The following GFRA2 variants were observed in gnomAD, a reference collection of about 807,000 sequenced individuals.
GFRA2 encodes the protein GDNF family receptor alpha 2.
A neutral mutation model predicts 48.3 loss-of-function variants in GFRA2; 17 were observed. The observed-to-expected ratio is 0.35, with a 90% confidence interval of 0.24 to 0.53. GFRA2 has a LOEUF of 0.53. Ranked by LOEUF, GFRA2 falls within the 20% of genes least tolerant of loss-of-function variation. GFRA2 has a pLI of 0.93. For synonymous variants in GFRA2, 305 were observed against 257.2 expected (o/e 1.19, Z -1.78); for missense variants, 660 against 637.3 (o/e 1.04, Z -0.38).
intron 4 of GFRA2, among the ~76,000 whole-genome samples, chr8:21,732,208 G>C (rs1033592926): frequency 2.0e-5 from 3 of 152,214 alleles, no homozygotes; most frequent in Admixed American, 6.5e-5. Context: ...TTTTCCCTTC[G>C]CCTTCTTGTG....
At chr8:21,710,917 A>C (rs1389575413) in intron 4 of GFRA2, among the ~76,000 whole-genome samples, 1 of 152,224 alleles carries the variant, frequency 6.6e-6, no homozygotes, top group African/African-American at 2.4e-5. Context: ...CCAAGGCTCC[A>C]GGAGGCCTTT....
chr8:21,802,593 G>A lies in GFRA2; in HGVS notation c.-36+2424C>T, dbSNP rs1314193345. ...TGGTCTAGAACTCCTGGGCTCAAGC[G>A]ATCCTCCCACTTTGGCTTCCCAAAG... On this transcript the variant is annotated intron_variant, in intron 2 of 10. Coordinates refer to the GFRA2 transcript ENST00000517328. Among the ~76,000 whole-genome samples, 11 of 152,200 alleles carry A rather than the reference G, an allele frequency of 7.2e-5. 1 individual carries two copies. Among genetic ancestry groups the A allele is most frequent in the Admixed American group, 3.3e-4 (5 of 15,290 alleles).
intron 3 of GFRA2, among the ~76,000 whole-genome samples, chr8:21,767,969 AG>A (rs1806260807): frequency 2.0e-5 from 3 of 152,208 alleles, no homozygotes; most frequent in Non-Finnish European, 4.4e-5. Context: ...AGAGAGAGAG[AG>A]AGAGAGCAGA....
chr8:21,758,022 G>A (rs1014524839), intron 3 of GFRA2, among the ~76,000 whole-genome samples: 36 of 152,244 alleles, frequency 2.4e-4, no homozygotes, highest in East Asian at 7.7e-4. Flanking sequence ...GGAAGTCACC[G>A]GTTTAGAGAA....
chr8:21,695,023 T>C (rs1802086986), intron 7 of GFRA2, among the ~76,000 whole-genome samples: 1 of 152,194 alleles, frequency 6.6e-6, no homozygotes, highest in Non-Finnish European at 1.5e-5. Context: ...TGAGCATTCA[T>C]CTGGGCTTGA....
chr8:21,757,005 C>G (rs1482351137), intron 3 of GFRA2, among the ~76,000 whole-genome samples: 1 of 152,202 alleles, frequency 6.6e-6, no homozygotes, highest in African/African-American at 2.4e-5. Flanking sequence ...CGGGATTTAA[C>G]ACTTGGCCTT....
Position 21,740,321 on chromosome 8 carries a change from T to G in GFRA2, c.794+10267A>C, listed in dbSNP as rs375534323. On this transcript the variant is annotated intron_variant, in intron 4 of 8. Coordinates refer to ENST00000524240, the MANE Select transcript of GFRA2 (RefSeq NM_001495.5). ...CCACCCAAAGGGCAAACATCTTCCCTTTCCACTAATGTCTTTCCCAGAAAG... is the reference window on the plus strand; with the variant it reads ...CCACCCAAAGGGCAAACATCTTCCCGTTCCACTAATGTCTTTCCCAGAAAG... Among the ~76,000 whole-genome samples, 22 of 152,318 alleles carry G rather than the reference T, an allele frequency of 1.4e-4. 1 individual carries two copies. Among genetic ancestry groups the G allele is most frequent in the South Asian group, 1.0e-3 (5 of 4,818 alleles).
At chr8:21,800,813 C>A (rs1807756964) in intron 2 of GFRA2, among the ~76,000 whole-genome samples, 1 of 151,824 alleles carries the variant, frequency 6.6e-6, no homozygotes. Context: ...GTAGTCTCAG[C>A]TACTTGGGAG....
intron 4 of GFRA2, among the ~76,000 whole-genome samples, chr8:21,723,392 T>A (rs1295808978): frequency 1.3e-5 from 2 of 151,814 alleles, no homozygotes; most frequent in African/African-American, 4.8e-5. Flanking sequence ...TGAGTCTAAA[T>A]CCAGACACAA....
chr8:21,711,528 CAG>C (rs960970761), intron 4 of GFRA2, among the ~76,000 whole-genome samples: 27 of 150,214 alleles, frequency 1.8e-4, no homozygotes, highest in Non-Finnish European at 1.3e-4. Context: ...CAGCAGGAGA[CAG>C]AGAGAGAGAG....
chr8:21,784,550 G>A (rs973366658), intron 1 of GFRA2, among the ~76,000 whole-genome samples: 3 of 152,244 alleles, frequency 2.0e-5, no homozygotes, highest in African/African-American at 7.2e-5. Context: ...GCTGCACAGC[G>A]GGCCTTCGCT....
In GFRA2 at chr8:21,751,570, A is replaced by G. The variant is rs1033496778; in HGVS notation, c.440-628T>C. Among the ~76,000 whole-genome samples, 4 of 152,358 alleles carry G rather than the reference A, an allele frequency of 2.6e-5. No homozygotes were observed. The East Asian group carries it at 7.7e-4, about 29-fold the overall frequency. ...CCGAGTCACACCCAGTAGTGCAGTT[A>G]TGCCAGCGAGAACCGTTGGTCTAAG... On this transcript the variant is annotated intron_variant, in intron 3 of 8. Transcript: ENST00000524240.
intron 4 of GFRA2, among the ~76,000 whole-genome samples, chr8:21,732,349 G>A (rs1448880231): frequency 6.6e-6 from 1 of 152,238 alleles, no homozygotes; most frequent in East Asian, 1.9e-4. Context: ...CCTGCCGAGT[G>A]GAGCAGCCAG....
Position 21,782,640 on chromosome 8 carries a change from C to T in GFRA2, c.300G>A (p.Lys100=). ...AGATCTGCAGACACTGCAGCTCCTT[C>T]TTCATGCCCCGCTTGCAGCGGCAGT... ...LYDCRCKRGM[K]KELQCLQIYW... is the part of the protein sequence containing the mutation. Residue 100 remains lysine (K), a synonymous_variant, in exon 2 of 9, where the codon AAG becomes AAA. Coordinates refer to ENST00000524240, the MANE Select transcript of GFRA2 (RefSeq NM_001495.5). The T allele has an allele frequency of 6.3e-7, 1 of 1,586,002 alleles. No individual in the cohort carries two copies. The highest frequency in any genetic ancestry group is 8.6e-7 in the Non-Finnish European group (1 of 1,166,708).
In GFRA2 at chr8:21,693,326, C is replaced by G. The variant is rs74640671; in HGVS notation, c.1347G>C (p.Ser449=). 6.2e-7 allele frequency: 1 copy of G among 1,613,578 alleles called. No homozygotes were observed. Among genetic ancestry groups the G allele is most frequent in the South Asian group, 1.1e-5 (1 of 91,000 alleles). Residue 449 remains serine, a synonymous_variant, in exon 9 of 9, where the codon TCG becomes TCC. Transcript: ENST00000524240. ...PNSGPSRARP[S]AALTVLSVLM... is the part of the protein sequence containing the mutation. ...GGACAGACAGCACGGTCAAGGCAGCCGACGGTCTGGCTCTGCTGGGGCCTG... is the reference window on the plus strand; with the variant it reads ...GGACAGACAGCACGGTCAAGGCAGCGGACGGTCTGGCTCTGCTGGGGCCTG...
intron 2 of GFRA2, among the ~76,000 whole-genome samples, chr8:21,800,252 C>T (rs140085703): frequency 6.6e-6 from 1 of 152,158 alleles, no homozygotes; most frequent in Non-Finnish European, 1.5e-5. Context: ...TGTTACTCCT[C>T]TCTGAGGCAT....
intron 4 of GFRA2, among the ~76,000 whole-genome samples, chr8:21,715,193 G>A (rs1256883676): frequency 6.6e-6 from 1 of 152,170 alleles, no homozygotes; most frequent in Non-Finnish European, 1.5e-5. Flanking sequence ...CTTCCTTCCT[G>A]TTTATTCTTT....
At position 21,690,707 on chromosome 8, in the gene GFRA2, G is replaced by A. The variant is rs1801852004; in HGVS notation, c.*2571C>T. 6.6e-6 allele frequency: 1 copy of A among 152,154 alleles called. No individual in the cohort carries two copies. The highest frequency in any genetic ancestry group is 2.4e-5 in the African/African-American group (1 of 41,386). 9.4% of individuals were successfully genotyped at this position (152,154 alleles called of 1,614,324 possible). Reference sequence around the variant, plus strand: ...TCTCTCACACTCAAGTATGGCAGAGGGCAGGCACAAGGCCCAGTTCAGCCA... The same window carrying A: ...TCTCTCACACTCAAGTATGGCAGAGAGCAGGCACAAGGCCCAGTTCAGCCA... On this transcript the variant is annotated 3_prime_UTR_variant, in exon 9 of 9. Coordinates refer to ENST00000524240, the MANE Select transcript of GFRA2 (RefSeq NM_001495.5).
Position 21,759,543 on chromosome 8 carries a change from A to AAGGAAGGAAGGAAGGAAGGG in GFRA2, c.440-8602_440-8601insCCCTTCCTTCCTTCCTTCCT, listed in dbSNP as rs879376871. ...GAAGGAAGGAAGGAAGGAAGGAAGGAGGGAAGGAAGGAAGGAAAGAAATTT... is the reference window on the plus strand; with the variant it reads ...GAAGGAAGGAAGGAAGGAAGGAAGGAAGGAAGGAAGGAAGGAAGGGGGGAAGGAAGGAAGGAAAGAAATTT... On this transcript the variant is annotated intron_variant, in intron 3 of 8. Transcript: ENST00000524240. 3.4e-4 allele frequency among the ~76,000 whole-genome samples: 50 copies of AAGGAAGGAAGGAAGGAAGGG among 147,384 alleles called. 2 individuals carry two copies. The highest frequency in any genetic ancestry group is 1.1e-3 in the African/African-American group (44 of 39,384).
Sources: allele counts gnomAD v4.1 joint callset (sites outside exome capture counted in the v4.1 genomes callset), GRCh38; gene constraint gnomAD v4.1.1; transcripts MANE v1.5; gene names NCBI Gene and HGNC (gene_info 2026-07-23, HGNC 2026-07-21).